Variants in RCSD1 observed in about 807,000 individuals in gnomAD.
RCSD1 encodes the protein capZ-interacting protein.
In RCSD1, 26 loss-of-function variants were observed where a neutral mutation model predicts 42.5. The observed-to-expected ratio is 0.61, with a 90% confidence interval of 0.45 to 0.85. The LOEUF (loss-of-function observed/expected upper bound fraction) is 0.85, where lower values mean the gene tolerates loss of function less well. RCSD1 is among the 40% of genes least tolerant of loss of function. The pLI, the probability that RCSD1 is intolerant of heterozygous loss-of-function variation, is 0.00. For synonymous variants in RCSD1, 220 were observed against 212.2 expected (o/e 1.04, Z -0.32); for missense variants, 571 against 528.3 (o/e 1.08, Z -0.79).
At position 167,669,073 on chromosome 1, in the gene RCSD1, T is replaced by G. The variant is rs74120619; in HGVS notation, c.7-14827T>G. Among the ~76,000 whole-genome samples the G allele has an allele frequency of 6.5e-3, 988 of 152,316 alleles. 5 individuals carry two copies. Among genetic ancestry groups the G allele is most frequent in the African/African-American group, 0.022 (927 of 41,570 alleles). On this transcript the variant is annotated intron_variant, in intron 1 of 6. Coordinates refer to ENST00000367854, the MANE Select transcript of RCSD1 (RefSeq NM_052862.4). ...CCCTATGCATTAATTCCAAGTACAG[T>G]CAAAGATTAAGTAAGGAAATGATGT...
intron 1 of RCSD1, among the ~76,000 whole-genome samples, chr1:167,677,300 G>T (rs1056782751): frequency 6.6e-6 from 1 of 152,152 alleles, no homozygotes; most frequent in African/African-American, 2.4e-5. Flanking sequence ...CAATGTGGAT[G>T]GGGCACGCAA....
In RCSD1 at chr1:167,692,993, T is replaced by C. The variant is rs573779557; in HGVS notation, c.271-1106T>C. 1.1e-4 allele frequency among the ~76,000 whole-genome samples: 17 copies of C among 152,188 alleles called. 1 individual carries two copies. The highest frequency in any genetic ancestry group is 9.2e-4 in the Admixed American group (14 of 15,286). Reference sequence around the variant, plus strand: ...GACTTTGGAAGTCAGGCCAAAAGGTTTGGACAGACAAAGAATCTGAGATTC... The same window carrying C: ...GACTTTGGAAGTCAGGCCAAAAGGTCTGGACAGACAAAGAATCTGAGATTC... On this transcript the variant is annotated intron_variant, in intron 4 of 6. Transcript: ENST00000367854.
At chr1:167,660,173 G>C (rs567331517) in intron 1 of RCSD1, among the ~76,000 whole-genome samples, 2 of 152,106 alleles carry the variant, frequency 1.3e-5, no homozygotes, top group African/African-American at 4.8e-5. Context: ...CTTGTTTGAC[G>C]CCTATGATGT....
chr1:167,683,941 G>C lies in RCSD1; in HGVS notation c.48G>C (p.Ala16=). The C allele has an allele frequency of 6.2e-7, 1 of 1,614,184 alleles. No homozygotes were observed. Among genetic ancestry groups the C allele is most frequent in the Non-Finnish European group, 8.5e-7 (1 of 1,180,038 alleles). Residue 16 remains alanine, a synonymous_variant, in exon 2 of 7, where the codon GCG becomes GCC. Transcript: ENST00000367854. ...AETNANVDNS[A]SPSVAQLAGR... is the part of the protein sequence containing the mutation. ...CCAATGCCAATGTGGACAACTCGGC[G>C]TCCCCCTCGGTGGCCCAGCTGGCCG...
chr1:167,691,317 G>C (rs544540411), intron 4 of RCSD1, among the ~76,000 whole-genome samples: 63 of 152,248 alleles, frequency 4.1e-4, no homozygotes, highest in South Asian at 1.2e-3. Context: ...AGCAAGAAGA[G>C]AGTAGAGTGG....
intron 5 of RCSD1, among the ~76,000 whole-genome samples, chr1:167,696,024 C>T (rs1659490662): frequency 6.6e-6 from 1 of 152,152 alleles, no homozygotes; most frequent in South Asian, 2.1e-4. Flanking sequence ...GACCTGAGTT[C>T]TAGAAGCAAA....
At chr1:167,639,217 A>AAAAC (rs140796239) in intron 1 of RCSD1, among the ~76,000 whole-genome samples, 85 of 147,276 alleles carry the variant, frequency 5.8e-4, no homozygotes, top group South Asian at 4.1e-3. Flanking sequence ...ACTCCGTCTC[A>AAAAC]AAACAAACAA....
intron 1 of RCSD1, among the ~76,000 whole-genome samples, chr1:167,649,205 A>T (rs1413976173): frequency 6.6e-6 from 1 of 152,030 alleles, no homozygotes; most frequent in African/African-American, 2.4e-5. Flanking sequence ...GGTGAGGAGG[A>T]GGGTGTTCTA....
intron 1 of RCSD1, among the ~76,000 whole-genome samples, chr1:167,631,848 A>G (rs1041599378): frequency 1.3e-5 from 2 of 152,216 alleles, no homozygotes; most frequent in Non-Finnish European, 2.9e-5. Context: ...ACTTCTCTAA[A>G]GGGGCAATAA....
In RCSD1 at chr1:167,697,373, A is replaced by G; in HGVS notation, c.749A>G (p.Glu250Gly). The stretch of plus-strand genomic sequence containing the variant: ...TCACCCAGCAGGACAGAGAAGCAGG[A>G]GGAGGACAGGGCCACAGAGGAAGCC... Reference protein sequence around the residue: ...RRSPSRTEKQEEDRATEEAKN... With the variant: ...RRSPSRTEKQGEDRATEEAKN... The change falls in exon 6 of 7, where the codon GAG becomes GGG. Residue 250 changes from glutamate to glycine, a missense_variant. By Grantham distance (98) the Glu-to-Gly change is moderately conservative (BLOSUM62 -2). Coordinates refer to ENST00000367854, the MANE Select transcript of RCSD1 (RefSeq NM_052862.4). The G allele has an allele frequency of 2.5e-6, 4 of 1,614,002 alleles. No individual in the cohort carries two copies. The highest frequency in any genetic ancestry group is 3.4e-6 in the Non-Finnish European group (4 of 1,179,950).
At chr1:167,671,985 C>T (rs151216661) in intron 1 of RCSD1, among the ~76,000 whole-genome samples, 249 of 152,292 alleles carry the variant, frequency 1.6e-3, no homozygotes, top group Admixed American at 2.3e-3. Flanking sequence ...GAAGTCTTCC[C>T]GGGTGCCTCT....
At chr1:167,645,748 T>G (rs1181946466) in intron 1 of RCSD1, among the ~76,000 whole-genome samples, 2 of 151,944 alleles carry the variant, frequency 1.3e-5, no homozygotes, top group African/African-American at 4.8e-5. Context: ...AACCCACATG[T>G]GTGGGTGTGG....
chr1:167,667,178 T>C (rs1335948827), intron 1 of RCSD1, among the ~76,000 whole-genome samples: 1 of 150,556 alleles, frequency 6.6e-6, no homozygotes, highest in Non-Finnish European at 1.5e-5. Context: ...AGGGGGCGCC[T>C]ATCCCGTACT....
intron 1 of RCSD1, among the ~76,000 whole-genome samples, chr1:167,671,904 G>A (rs1416853635): frequency 6.6e-6 from 1 of 152,146 alleles, no homozygotes; most frequent in East Asian, 1.9e-4. Flanking sequence ...CTCCTCAACT[G>A]TGCAGCTCCC....
chr1:167,707,947 C>A lies in RCSD1; in HGVS notation c.*3251C>A. 6.6e-6 allele frequency among the ~76,000 whole-genome samples: 1 copy of A among 152,206 alleles called. No homozygotes were observed. Among genetic ancestry groups the A allele is most frequent in the East Asian group, 1.9e-4 (1 of 5,198 alleles). ...CTGGCCTCTAGTGATCTGCCTGCCT[C>A]GGTCTCCCAAAGTGGGATTACAGGC... On this transcript the variant is annotated 3_prime_UTR_variant, in exon 7 of 7. Transcript: ENST00000367854.
chr1:167,656,805 T>C (rs1254295936), intron 1 of RCSD1, among the ~76,000 whole-genome samples: 2 of 152,214 alleles, frequency 1.3e-5, no homozygotes, highest in African/African-American at 2.4e-5. Flanking sequence ...AAATGGGTCT[T>C]GCACATTGGG....
chr1:167,648,993 C>G (rs1228088996), intron 1 of RCSD1, among the ~76,000 whole-genome samples: 1 of 152,196 alleles, frequency 6.6e-6, no homozygotes, highest in African/African-American at 2.4e-5. Flanking sequence ...AGGTTGCAGT[C>G]TGGTAAGACA....
chr1:167,644,218 G>A (rs1658073625), intron 1 of RCSD1, among the ~76,000 whole-genome samples: 1 of 152,152 alleles, frequency 6.6e-6, no homozygotes, highest in Non-Finnish European at 1.5e-5. Context: ...GGTGGCTCAC[G>A]TCTGTAATTT....
intron 1 of RCSD1, chr1:167,630,760 T>C (rs1454365780): frequency 7.0e-6 from 1 of 142,126 alleles, no homozygotes; most frequent in Non-Finnish European, 1.2e-5. Flanking sequence ...AAAAGTTAGG[T>C]GCAGCCAAGG....
Sources: allele counts gnomAD v4.1 joint callset (sites outside exome capture counted in the v4.1 genomes callset), GRCh38; gene constraint gnomAD v4.1.1; transcripts MANE v1.5; gene names NCBI Gene and HGNC (gene_info 2026-07-23, HGNC 2026-07-21).